Variants in SULF2 observed in about 807,000 individuals in gnomAD.
SULF2 encodes sulfatase 2.
A neutral mutation model predicts 107.7 loss-of-function variants in SULF2; 52 were observed. The ratio of observed to expected loss-of-function variants is 0.48; its 90% confidence interval spans 0.39 to 0.61. The LOEUF (loss-of-function observed/expected upper bound fraction) is 0.61, where lower values mean the gene tolerates loss of function less well. Among genes scored for constraint, SULF2 ranks in the 20% least tolerant of loss-of-function variants. SULF2 has a pLI of 0.00. For synonymous variants in SULF2, 460 were observed against 464.3 expected, an observed-to-expected ratio of 0.99 and a Z score of 0.12; for missense variants, 993 against 1,177.3, an observed-to-expected ratio of 0.84 and a Z score of 2.29.
At chr20:47,704,090 T>C (rs2146606634) in intron 3 of SULF2, among the ~76,000 whole-genome samples, 1 of 152,234 alleles carries the variant, frequency 6.6e-6, no homozygotes, top group South Asian at 2.1e-4. Flanking sequence ...GTGGTTCAGT[T>C]GGTGACACCT....
At chr20:47,759,839 C>T (rs373627531) in intron 1 of SULF2, among the ~76,000 whole-genome samples, 5 of 152,344 alleles carry the variant, frequency 3.3e-5, no homozygotes, top group East Asian at 3.9e-4. Flanking sequence ...ATTTTATAAC[C>T]GGTTTTATTT....
intron 20 of SULF2, among the ~76,000 whole-genome samples, 173 bp from the exon 21 acceptor site, chr20:47,658,565 T>TA (rs1441239344): frequency 2.6e-5 from 4 of 152,220 alleles, no homozygotes; most frequent in Admixed American, 1.3e-4. Flanking sequence ...TTTGTTTACT[T>TA]ATACACCCAA....
chr20:47,744,845 C>T (rs2089969516), intron 2 of SULF2, among the ~76,000 whole-genome samples: 4 of 152,178 alleles, frequency 2.6e-5, no homozygotes, highest in South Asian at 2.1e-4. Context: ...GCACCACACA[C>T]CCCTCTCCAG....
chr20:47,678,529 A>ACCATGCTTCTCTCCCACT lies in SULF2; in HGVS notation c.1193+146_1193+147insAGTGGGAGAGAAGCATGG. 4.0e-6 allele frequency: 3 copies of ACCATGCTTCTCTCCCACT among 748,542 alleles called. No homozygotes were observed. Among genetic ancestry groups the ACCATGCTTCTCTCCCACT allele is most frequent in the Non-Finnish European group, 4.1e-6 (2 of 487,320 alleles). The allele number at this position is 748,542 out of a possible 1,614,324, so 46.4% of individuals were successfully genotyped here. ...AGAGGGGACCATGCTTCTCTCCCAC[A>ACCATGCTTCTCTCCCACT]GCAGGTAAGTGGTTGGCATGGCGGG... On this transcript the variant is annotated intron_variant, in intron 8 of 20. Transcript: ENST00000688720. The surrounding 1 kb of genome is among the most constrained non-coding windows in gnomAD (Gnocchi z 4.5).
intron 11 of SULF2, among the ~76,000 whole-genome samples, chr20:47,670,636 G>A (rs546895238): frequency 2.7e-5 from 3 of 109,352 alleles, no homozygotes; most frequent in Non-Finnish European, 3.8e-5. Flanking sequence ...TAGAGAAGAA[G>A]AGTGGTTGCT....
intron 14 of SULF2, among the ~76,000 whole-genome samples, chr20:47,664,775 C>T (rs991595341): frequency 6.6e-6 from 1 of 152,350 alleles, no homozygotes; most frequent in South Asian, 2.1e-4. Flanking sequence ...GCACCAGCCA[C>T]GTGTGGTGTA....
chr20:47,671,990 G>A (rs11907954), intron 11 of SULF2, among the ~76,000 whole-genome samples: 2,475 of 152,286 alleles, frequency 0.016, 81 homozygotes, highest in African/African-American at 0.055. Flanking sequence ...GATTACAGGC[G>A]TGAGCCATTG....
chr20:47,692,521 C>T (rs2146548520), intron 4 of SULF2, among the ~76,000 whole-genome samples: 1 of 152,362 alleles, frequency 6.6e-6, no homozygotes, highest in South Asian at 2.1e-4. Flanking sequence ...AGTGATCCTC[C>T]TGCCTCAGCC....
intron 4 of SULF2, among the ~76,000 whole-genome samples, chr20:47,695,634 G>C (rs772146126): frequency 6.6e-6 from 1 of 152,164 alleles, no homozygotes; most frequent in East Asian, 1.9e-4. Flanking sequence ...ATTATTTTGA[G>C]ACAGAGTCTC....
chr20:47,722,586 C>G (rs1408260794), intron 3 of SULF2, among the ~76,000 whole-genome samples: 1 of 152,124 alleles, frequency 6.6e-6, no homozygotes, highest in South Asian at 2.1e-4. Flanking sequence ...ACTGAGTACC[C>G]AATACCTGCC....
At chr20:47,690,449 A>G (rs1216281196) in intron 4 of SULF2, among the ~76,000 whole-genome samples, 154 bp from the exon 5 acceptor site, 1 of 152,240 alleles carries the variant, frequency 6.6e-6, no homozygotes, top group African/African-American at 2.4e-5. Flanking sequence ...GAGCAGACAG[A>G]CAAGAAATAA....
intron 15 of SULF2, 109 bp from the exon 16 acceptor site, chr20:47,663,731 G>A (rs1207061712): frequency 1.6e-6 from 2 of 1,280,560 alleles, no homozygotes; most frequent in African/African-American, 1.5e-5. Flanking sequence ...CTCCAACAGA[G>A]AGCCATGGGC....
intron 4 of SULF2, among the ~76,000 whole-genome samples, chr20:47,702,297 T>G (rs1345336232): frequency 6.6e-6 from 1 of 152,174 alleles, no homozygotes; most frequent in Non-Finnish European, 1.5e-5. Context: ...TGGACTCAAG[T>G]GATTCACCTG....
chr20:47,716,976 C>T (rs1330647890), intron 3 of SULF2, among the ~76,000 whole-genome samples: 1 of 152,162 alleles, frequency 6.6e-6, no homozygotes, highest in African/African-American at 2.4e-5. Flanking sequence ...TGCCACTGCA[C>T]TTCAGCCTGG....
At chr20:47,765,978 G>A (rs2090520816) in intron 1 of SULF2, among the ~76,000 whole-genome samples, 1 of 152,250 alleles carries the variant, frequency 6.6e-6, no homozygotes, top group South Asian at 2.1e-4. Flanking sequence ...CCTAACAGGA[G>A]CAAAGTTCTG....
intron 3 of SULF2, among the ~76,000 whole-genome samples, chr20:47,712,851 C>T (rs1310055192): frequency 3.9e-5 from 6 of 152,018 alleles, no homozygotes; most frequent in African/African-American, 9.7e-5. Flanking sequence ...CTGGGCAACA[C>T]GGAGAAGCCC....
At chr20:47,736,987 G>A in intron 2 of SULF2, 45 bp from the exon 3 acceptor site, 2 of 1,609,408 alleles carry the variant, frequency 1.2e-6, no homozygotes, top group East Asian at 4.5e-5. Context: ...GGAGACCCGG[G>A]CGGCACCGGC....
chr20:47,658,837 G>T (rs2086976387), intron 20 of SULF2, among the ~76,000 whole-genome samples: 1 of 152,218 alleles, frequency 6.6e-6, no homozygotes. Flanking sequence ...TAATGATAAA[G>T]AATTCTCACA....
intron 1 of SULF2, among the ~76,000 whole-genome samples, chr20:47,761,587 C>T (rs1221571701): frequency 6.6e-6 from 1 of 152,214 alleles, no homozygotes; most frequent in Non-Finnish European, 1.5e-5. Context: ...ATGCAAATAG[C>T]TTCCCAGGCT....
Sources: gnomAD v4.1 joint callset for allele counts (sites outside exome capture counted in the v4.1 genomes callset) on GRCh38, gnomAD v4.1.1 for gene constraint, Gnocchi (gnomAD v3.1) non-coding constraint, MANE v1.5 for transcripts, NCBI Gene and HGNC (gene_info 2026-07-23, HGNC 2026-07-21) for gene names.